GHR: variants seen among roughly 807,000 people sequenced by gnomAD.
GHR encodes GH receptor.
A neutral mutation model predicts 67.1 loss-of-function variants in GHR; 35 were observed. The ratio of observed to expected loss-of-function variants is 0.52; its 90% confidence interval spans 0.40 to 0.69. The LOEUF (loss-of-function observed/expected upper bound fraction) is 0.69, where lower values mean the gene tolerates loss of function less well. GHR is among the 30% of genes least tolerant of loss of function. The probability of loss-of-function intolerance (pLI) is 0.00; values close to 1 mark genes in which losing one functional copy is unlikely to be tolerated. For synonymous variants in GHR, 272 were observed against 269.1 expected, an observed-to-expected ratio of 1.01 and a Z score of -0.10; for missense variants, 792 against 764.6, an observed-to-expected ratio of 1.04 and a Z score of -0.42.
chr5:42,616,501 C>T (rs1245439628), intron 2 of GHR, among the ~76,000 whole-genome samples: 2 of 151,886 alleles, frequency 1.3e-5, no homozygotes, highest in African/African-American at 4.8e-5. Context: ...TCAGACATTG[C>T]TCGAGAGTTC....
intron 1 of GHR, among the ~76,000 whole-genome samples, chr5:42,466,529 A>G (rs537624227): frequency 1.3e-5 from 2 of 152,358 alleles, no homozygotes; most frequent in South Asian, 4.1e-4. Context: ...TAACCTGCCT[A>G]TTGCTCAAGC....
intron 1 of GHR, among the ~76,000 whole-genome samples, chr5:42,449,981 T>G (rs972544041): frequency 6.6e-5 from 10 of 152,164 alleles, no homozygotes; most frequent in African/African-American, 2.4e-4. Flanking sequence ...AACCACTATA[T>G]CCCTAGTATG....
intron 5 of GHR, among the ~76,000 whole-genome samples, chr5:42,698,443 G>A (rs1314590049): frequency 6.6e-6 from 1 of 152,216 alleles, no homozygotes; most frequent in African/African-American, 2.4e-5. Context: ...AAATCCAGAA[G>A]GGTGAGGAAT....
chr5:42,640,097 G>C (rs1487675106), intron 3 of GHR, among the ~76,000 whole-genome samples: 1 of 152,076 alleles, frequency 6.6e-6, no homozygotes, highest in African/African-American at 2.4e-5. Flanking sequence ...TTTCTCTTTT[G>C]GGACTTTTCT....
At chr5:42,604,297 T>C (rs1752516095) in intron 2 of GHR, among the ~76,000 whole-genome samples, 1 of 152,138 alleles carries the variant, frequency 6.6e-6, no homozygotes, top group Non-Finnish European at 1.5e-5. Context: ...TGTGGAAATG[T>C]GATTGGACAA....
chr5:42,577,743 G>A (rs1678069471), intron 2 of GHR, among the ~76,000 whole-genome samples: 1 of 152,142 alleles, frequency 6.6e-6, no homozygotes, highest in South Asian at 2.1e-4. Context: ...ATGCATGGAA[G>A]TACCCAGGTG....
intron 1 of GHR, among the ~76,000 whole-genome samples, chr5:42,462,697 C>T (rs1437388432): frequency 3.5e-5 from 5 of 143,856 alleles, no homozygotes; most frequent in East Asian, 2.0e-4. Flanking sequence ...TGTGTGTGTG[C>T]GTGTGCTTTT....
chr5:42,529,006 C>T (rs1252013256), intron 1 of GHR, among the ~76,000 whole-genome samples: 2 of 141,804 alleles, frequency 1.4e-5, no homozygotes, highest in Non-Finnish European at 3.0e-5. Context: ...ACAGATTATA[C>T]ACGTAACTTT....
At chr5:42,531,274 A>T (rs1302493463) in intron 1 of GHR, among the ~76,000 whole-genome samples, 2 of 151,888 alleles carry the variant, frequency 1.3e-5, no homozygotes, top group Admixed American at 1.3e-4. Flanking sequence ...CTCCAAAAAA[A>T]AAACCAAAAA....
chr5:42,513,180 G>A (rs1288100098), intron 1 of GHR, among the ~76,000 whole-genome samples: 2 of 152,238 alleles, frequency 1.3e-5, no homozygotes, highest in Non-Finnish European at 2.9e-5. Context: ...TACTGGAGAT[G>A]TGATGCTTTG....
At chr5:42,657,104 C>A (rs949590717) in intron 3 of GHR, among the ~76,000 whole-genome samples, 2 of 151,996 alleles carry the variant, frequency 1.3e-5, no homozygotes, top group Non-Finnish European at 2.9e-5. Flanking sequence ...TGGGTAGGGG[C>A]TTAGCAGTTG....
chr5:42,576,070 AAAATAAAATAAAATAAAATAAAATAAAAT>A (rs1561135475), intron 2 of GHR, among the ~76,000 whole-genome samples: 30 of 85,864 alleles, frequency 3.5e-4, no homozygotes, highest in African/African-American at 1.4e-3. Flanking sequence ...AAAATAAAAT[AAAATAAAATAAAATAAAATAAAATAAAAT>A]AAATAAAATA....
chr5:42,590,681 CTG>C (rs1751728619), intron 2 of GHR, among the ~76,000 whole-genome samples: 2 of 152,306 alleles, frequency 1.3e-5, no homozygotes, highest in South Asian at 4.1e-4. Context: ...AGAAATGTGA[CTG>C]TAGAGCAGCC....
At chr5:42,609,022 A>G (rs1335471598) in intron 2 of GHR, among the ~76,000 whole-genome samples, 3 of 152,180 alleles carry the variant, frequency 2.0e-5, no homozygotes, top group Non-Finnish European at 4.4e-5. Context: ...TCAGGAAAGA[A>G]AGGGATGGCA....
At chr5:42,474,656 A>G (rs1443333880) in intron 1 of GHR, among the ~76,000 whole-genome samples, 2 of 152,214 alleles carry the variant, frequency 1.3e-5, no homozygotes, top group South Asian at 4.1e-4. Context: ...TAAGAGAGAA[A>G]TGGATTTTAG....
chr5:42,439,884 C>T (rs1305558773), intron 1 of GHR, among the ~76,000 whole-genome samples: 2 of 152,188 alleles, frequency 1.3e-5, no homozygotes, highest in Admixed American at 1.3e-4. Context: ...CCCTCCTAGT[C>T]CTTCCCTTAA....
rs1017812552 is a variant in GHR at position 42,690,155 on chromosome 5, C to T, written c.266+1136C>T. On this transcript the variant is annotated intron_variant, in intron 4 of 9. Transcript: ENST00000230882. The stretch of plus-strand genomic sequence containing the variant: ...TAGTGAGGACCCTTTATCCTTGGCT[C>T]AAGGTGTTCGTTAGTCAGAGGATGA... Among the ~76,000 whole-genome samples, 4 of 152,314 alleles carry T rather than the reference C, an allele frequency of 2.6e-5. No individual in the cohort carries two copies. The South Asian group carries it at 8.3e-4, about 32-fold the overall frequency.
chr5:42,471,357 A>G (rs1281628544), intron 1 of GHR, among the ~76,000 whole-genome samples: 1 of 152,212 alleles, frequency 6.6e-6, no homozygotes, highest in Non-Finnish European at 1.5e-5. Flanking sequence ...TTGGTTAGTA[A>G]CTTTAAAAAA....
chr5:42,496,377 A>T (rs747276049), intron 1 of GHR, among the ~76,000 whole-genome samples: 5 of 149,274 alleles, frequency 3.3e-5, no homozygotes, highest in Non-Finnish European at 6.0e-5. Context: ...AATTGGAGCA[A>T]TTTTTTTTTT....
Sources: allele counts gnomAD v4.1 joint callset (sites outside exome capture counted in the v4.1 genomes callset), GRCh38; gene constraint gnomAD v4.1.1; transcripts MANE v1.5; gene names NCBI Gene and HGNC (gene_info 2026-07-23, HGNC 2026-07-21).